Variants in GABRA3 observed in about 807,000 individuals in gnomAD.
GABRA3 encodes gamma-aminobutyric acid receptor subunit alpha-3.
In GABRA3, 10 loss-of-function variants were observed where a neutral mutation model predicts 30.1. The observed-to-expected ratio is 0.33, with a 90% confidence interval of 0.20 to 0.56. GABRA3 has a LOEUF of 0.56. Ranked by LOEUF, GABRA3 falls within the 20% of genes least tolerant of loss-of-function variation. The pLI is 0.89. For synonymous variants in GABRA3, 151 were observed against 146.8 expected, an observed-to-expected ratio of 1.03 and a Z score of -0.21; for missense variants, 233 against 392.0, an observed-to-expected ratio of 0.59 and a Z score of 3.42.
intron 2 of GABRA3, among the ~76,000 whole-genome samples, chrX:152,361,557 G>A (rs1388809783): frequency 1.1e-5 from 1 of 92,762 alleles, no homozygotes; most frequent in Non-Finnish European, 2.1e-5. Context: ...TGGGTGAAGA[G>A]TGAGACTCCA....
chrX:152,240,720 C>A (rs1392190090), intron 5 of GABRA3, among the ~76,000 whole-genome samples: 2 of 100,655 alleles, frequency 2.0e-5, no homozygotes, highest in Admixed American at 2.3e-4. Context: ...CTCTAAACTT[C>A]CCTTCTCGCT....
Position 152,275,240 on chromosome X carries a change from T to A in GABRA3, c.330+9428A>T, listed in dbSNP as rs749811731. Among the ~76,000 whole-genome samples, 358 of 48,023 alleles carry A rather than the reference T, an allele frequency of 7.5e-3. 13 individuals carry two copies. Among genetic ancestry groups the A allele is most frequent in the African/African-American group, 0.042 (339 of 8,066 alleles). 41.7% of individuals were successfully genotyped at this position (48,023 alleles called of 115,157 possible). A position where few individuals can be genotyped will look rare whatever the true frequency, so the allele number is the denominator to read the frequency against. ...TATATATATATAATTTATATATATT[T>A]TATTATATATAATAAAATATATATA... On this transcript the variant is annotated intron_variant, in intron 4 of 9. Coordinates refer to ENST00000370314, the MANE Select transcript of GABRA3 (RefSeq NM_000808.4).
chrX:152,186,206 GTTTATTTA>G (rs201169733), intron 9 of GABRA3, among the ~76,000 whole-genome samples: 10 of 109,465 alleles, frequency 9.1e-5, no homozygotes, highest in Admixed American at 3.0e-4. Flanking sequence ...TTATTTAATT[GTTTATTTA>G]TTTATTTATT....
intron 6 of GABRA3, among the ~76,000 whole-genome samples, chrX:152,223,961 A>C (rs1289911354): frequency 2.7e-5 from 3 of 111,694 alleles, no homozygotes; most frequent in African/African-American, 9.7e-5. Context: ...ATGCATTCCA[A>C]GCTCCTAGAA....
chrX:152,223,642 C>G (rs1379897204), intron 6 of GABRA3, among the ~76,000 whole-genome samples: 1 of 107,940 alleles, frequency 9.3e-6, no homozygotes, highest in African/African-American at 3.4e-5. Flanking sequence ...ACTGAGAGCT[C>G]TATTTCCATA....
chrX:152,322,403 T>C (rs1800880069), intron 3 of GABRA3, among the ~76,000 whole-genome samples: 1 of 111,992 alleles, frequency 8.9e-6, no homozygotes, highest in Non-Finnish European at 1.9e-5. Context: ...GATTTGGAAC[T>C]AGACAGAAGT....
chrX:152,239,158 G>A, intron 5 of GABRA3, among the ~76,000 whole-genome samples: 1 of 95,834 alleles, frequency 1.0e-5, no homozygotes, highest in East Asian at 3.5e-4. Context: ...TCTACACACT[G>A]CTTTGAATGC....
At chrX:152,280,177 CCT>C (rs1939173665) in intron 4 of GABRA3, among the ~76,000 whole-genome samples, 1 of 111,254 alleles carries the variant, frequency 9.0e-6, no homozygotes, top group Admixed American at 9.6e-5. Context: ...AGAGGGCATC[CCT>C]CTCTTATTGG....
At chrX:152,327,416 T>G (rs1358482166) in intron 3 of GABRA3, among the ~76,000 whole-genome samples, 1 of 111,540 alleles carries the variant, frequency 9.0e-6, no homozygotes, top group Non-Finnish European at 1.9e-5. Flanking sequence ...CAGCACCACA[T>G]CACACTTATT....
intron 5 of GABRA3, among the ~76,000 whole-genome samples, chrX:152,235,832 AT>A (rs372107092): frequency 5.4e-5 from 6 of 110,834 alleles, no homozygotes; most frequent in African/African-American, 2.0e-4. Flanking sequence ...ATTCAATGAC[AT>A]TTTTCACAGA....
chrX:152,363,021 T>C (rs1928553055), intron 2 of GABRA3, among the ~76,000 whole-genome samples: 1 of 112,012 alleles, frequency 8.9e-6, no homozygotes, highest in Non-Finnish European at 1.9e-5. Context: ...CAGTTGGATA[T>C]AGAAGTCTGA....
rs756753077 is a variant in GABRA3, at chrX:152,255,983, C to T, written c.346G>A (p.Val116Ile). ...TCATGCCATGTCTGCCGAAAAAATACATCAATAGTGTACTCCTAGGGGTGA... is the reference window on the plus strand; with the variant it reads ...TCATGCCATGTCTGCCGAAAAAATATATCAATAGTGTACTCCTAGGGGTGA... ...SDTDMEYTID[V>I]FFRQTWHDER... The change falls in exon 5 of 10, where the codon GTA becomes ATA. Residue 116 changes from valine (V) to isoleucine (I), a missense_variant. Val to Ile is a conservative substitution (Grantham distance 29). Coordinates refer to ENST00000370314, the MANE Select transcript of GABRA3 (RefSeq NM_000808.4). 1 of 1,199,799 alleles carries T rather than the reference C, an allele frequency of 8.3e-7. No individual in the cohort carries two copies. The highest frequency in any genetic ancestry group is 2.3e-4 in the Middle Eastern group (1 of 4,320).
chrX:152,327,959 C>A (rs1471857562), intron 3 of GABRA3, among the ~76,000 whole-genome samples: 1 of 110,313 alleles, frequency 9.1e-6, no homozygotes, highest in Non-Finnish European at 1.9e-5. Flanking sequence ...GCTAGCAAGA[C>A]TAAAAAAGAA....
intron 6 of GABRA3, among the ~76,000 whole-genome samples, chrX:152,217,466 CAT>C (rs758834123): frequency 1.6e-3 from 181 of 111,262 alleles, no homozygotes; most frequent in Non-Finnish European, 2.7e-3. Flanking sequence ...ACACTGGCCT[CAT>C]AGAATGAATT....
At chrX:152,217,025 T>C (rs925467306) in intron 6 of GABRA3, among the ~76,000 whole-genome samples, 1 of 111,439 alleles carries the variant, frequency 9.0e-6, no homozygotes, top group Non-Finnish European at 1.9e-5. Context: ...GGCTGGTATA[T>C]ATAAAAGCAA....
chrX:152,186,026 C>T (rs1228382351), intron 9 of GABRA3, among the ~76,000 whole-genome samples: 1 of 110,663 alleles, frequency 9.0e-6, no homozygotes, highest in African/African-American at 3.3e-5. Context: ...ATACTCATTC[C>T]CCAACCAATA....
At position 152,401,287 on chromosome X, in the gene GABRA3, T is replaced by TATATAC. The variant is rs1302426704; in HGVS notation, c.-26-36692_-26-36691insGTATAT. On this transcript the variant is annotated intron_variant, in intron 1 of 9. Transcript: ENST00000370314. ...GTGTGTATATATATATATATATATA[T>TATATAC]ACACACACACACACACAAACACATA... Among the ~76,000 whole-genome samples the TATATAC allele has an allele frequency of 4.6e-3, 456 of 100,210 alleles. 8 individuals carry two copies. The highest frequency in any genetic ancestry group is 0.014 in the African/African-American group (391 of 28,019). The allele number at this position is 100,210 out of a possible 115,157, so 87.0% of individuals were successfully genotyped here.
At chrX:152,219,498 C>A in intron 6 of GABRA3, among the ~76,000 whole-genome samples, 1 of 111,391 alleles carries the variant, frequency 9.0e-6, no homozygotes, top group East Asian at 2.8e-4. Context: ...GTATTATAAT[C>A]ATCTTGTAAG....
At chrX:152,338,476 G>A (rs975825719) in intron 3 of GABRA3, among the ~76,000 whole-genome samples, 11 of 111,650 alleles carry the variant, frequency 9.9e-5, no homozygotes, top group Non-Finnish European at 1.7e-4. Flanking sequence ...CTCCCATTTT[G>A]TGGGTGTCTC....
Sources: gnomAD v4.1 joint callset for allele counts (sites outside exome capture counted in the v4.1 genomes callset) on GRCh38, gnomAD v4.1.1 for gene constraint, MANE v1.5 for transcripts, NCBI Gene and HGNC (gene_info 2026-07-23, HGNC 2026-07-21) for gene names.